The following FBN1 variants were observed in gnomAD, a reference collection of about 807,000 sequenced individuals.
The protein encoded by FBN1 is fibrillin 1, also known as fibrillin-1.
FBN1 carries 29 observed loss-of-function variants against 365.1 expected under a neutral mutation model. That is an observed-to-expected ratio of 0.08 (90% CI 0.06 to 0.11). The LOEUF is 0.11. Ranked by LOEUF, FBN1 falls within the 10% of genes least tolerant of loss-of-function variation. The pLI, the probability that FBN1 is intolerant of heterozygous loss-of-function variation, is 1.00. For missense variants in FBN1, 2,476 were observed against 3,703.2 expected (o/e 0.67, Z 8.60); for synonymous variants, 1,210 against 1,270.5 (o/e 0.95, Z 1.01).
intron 6 of FBN1, among the ~76,000 whole-genome samples, chr15:48,548,804 A>T (rs905261786): frequency 2.0e-5 from 3 of 152,224 alleles, no homozygotes; most frequent in African/African-American, 7.2e-5. Flanking sequence ...AGAAAAAACA[A>T]CTTGAGCCAG....
chr15:48,456,587 C>T lies in FBN1; in HGVS notation c.5422+50G>A, dbSNP rs1279810557. The T allele has an allele frequency of 2.5e-6, 4 of 1,594,994 alleles. No individual in the cohort carries two copies. The South Asian group carries it at 4.4e-5, about 18-fold the overall frequency. On this transcript the variant is annotated intron_variant, in intron 44 of 65. Transcript: ENST00000316623. ...AATTCGCCAAGTGTGTATCAAGTAG[C>T]TCATCAGTTAGCTCTTTTCTGGATA...
rs753453348 is a variant in FBN1, at chr15:48,503,880, A to G, written c.2020T>C (p.Leu674=). Residue 674 remains leucine (L), a synonymous_variant, in exon 17 of 66, where the codon TTG becomes CTG. Transcript: ENST00000316623. ...GYKRGQCIKP[L]FGAVTKSECC... ...TCAGATTTAGTGACAGCACCAAACA[A>G]AGGTTTGATACACTGGCCTCTCTTG... is the stretch of plus-strand genomic sequence containing the variant. 1 of 1,614,026 alleles carries G rather than the reference A, an allele frequency of 6.2e-7. No individual in the cohort carries two copies. Among genetic ancestry groups the G allele is most frequent in the Non-Finnish European group, 8.5e-7 (1 of 1,180,006 alleles).
chr15:48,638,422 A>G (rs1222358662), intron 2 of FBN1, among the ~76,000 whole-genome samples: 1 of 152,240 alleles, frequency 6.6e-6, no homozygotes, highest in African/African-American at 2.4e-5. Context: ...ATTAAGATTA[A>G]GAGCTCCAGC....
intron 6 of FBN1, among the ~76,000 whole-genome samples, chr15:48,570,483 G>A (rs1597611201): frequency 6.7e-6 from 1 of 149,712 alleles, no homozygotes. Flanking sequence ...AAAAAAAAAA[G>A]GGAGGTGTGA....
rs1448317732 is a variant in FBN1 at position 48,411,274 on chromosome 15, G to A, written c.8332C>T (p.Leu2778=). 5 of 1,613,952 alleles carry A rather than the reference G, an allele frequency of 3.1e-6. No homozygotes were observed. Among genetic ancestry groups the A allele is most frequent in the Non-Finnish European group, 4.2e-6 (5 of 1,180,004 alleles). The part of the protein sequence containing the change: ...ISHVSNKVRI[L]ELLPALTTLT... ...GTTGTAAGAGCTGGAAGGAGTTCTA[G>A]GATTCGAACCTTGTTACTGACGTGG... Residue 2778 remains leucine (L), a synonymous_variant, in exon 66 of 66, where the codon CTA becomes TTA. Coordinates refer to ENST00000316623, the MANE Select transcript of FBN1 (RefSeq NM_000138.5).
chr15:48,567,998 TA>T (rs913796914), intron 6 of FBN1, among the ~76,000 whole-genome samples: 3 of 56,534 alleles, frequency 5.3e-5, no homozygotes, highest in African/African-American at 1.0e-4. Context: ...AGTATACAGA[TA>T]AGAAAGAAAG....
Position 48,465,636 on chromosome 15 carries a change from G to A in FBN1, c.4874C>T (p.Thr1625Ile). The A allele has an allele frequency of 6.2e-7, 1 of 1,614,022 alleles. No homozygotes were observed. Among genetic ancestry groups the A allele is most frequent in the Non-Finnish European group, 8.5e-7 (1 of 1,179,944 alleles). Reference sequence around the variant, plus strand: ...ACAGCGGCACTGGAAACTCCCAAAGGTGTTGATACATTTTCCTCCTTGGCA... The same window carrying A: ...ACAGCGGCACTGGAAACTCCCAAAGATGTTGATACATTTTCCTCCTTGGCA... ...GLCQGGKCIN[T>I]FGSFQCRCPT... Residue 1625 changes from threonine (T) to isoleucine (I), a missense_variant, in exon 40 of 66, where the codon ACC (threonine) becomes ATC (isoleucine). By Grantham distance (89) the Thr-to-Ile change is moderately conservative. Around this residue, in one of 5 missense-constraint regions of FBN1, gnomAD observed 1,780 missense variants for 2,840.8 expected, o/e 0.63. Transcript: ENST00000316623.
chr15:48,558,755 T>G (rs576393130), intron 6 of FBN1, among the ~76,000 whole-genome samples: 1 of 152,178 alleles, frequency 6.6e-6, no homozygotes, highest in East Asian at 1.9e-4. Flanking sequence ...GATAACTAGG[T>G]CTGTTTTTCT....
At chr15:48,499,531 T>C (rs2141309671) in intron 17 of FBN1, among the ~76,000 whole-genome samples, 1 of 152,312 alleles carries the variant, frequency 6.6e-6, no homozygotes, top group South Asian at 2.1e-4. Context: ...ATACCTACTC[T>C]TGCATTTAAG....
chr15:48,460,729 C>A (rs984258206), intron 42 of FBN1, among the ~76,000 whole-genome samples: 1 of 152,092 alleles, frequency 6.6e-6, no homozygotes, highest in Non-Finnish European at 1.5e-5. Context: ...TTATAGGAGA[C>A]CATAGCAAAT....
chr15:48,421,051 C>T (rs538432174), intron 62 of FBN1, among the ~76,000 whole-genome samples: 1 of 152,096 alleles, frequency 6.6e-6, no homozygotes, highest in East Asian at 1.9e-4. Context: ...TCTGGGACAG[C>T]TCTGTAAGTT....
At chr15:48,555,094 T>C (rs2044169555) in intron 6 of FBN1, among the ~76,000 whole-genome samples, 1 of 152,204 alleles carries the variant, frequency 6.6e-6, no homozygotes, top group African/African-American at 2.4e-5. Flanking sequence ...TATTTAAACA[T>C]GGCATGCAGT....
Position 48,448,835 on chromosome 15 carries a change from T to G in FBN1, c.5604A>C (p.Thr1868=). 1 of 1,612,502 alleles carries G rather than the reference T, an allele frequency of 6.2e-7. No homozygotes were observed. The highest frequency in any genetic ancestry group is 8.5e-7 in the Non-Finnish European group (1 of 1,178,732). Reference sequence around the variant, plus strand: ...GGCAAAGGCAATAAAAGCTTCCAACTGTGTCAATGCACTGCCCATGACTGC... The same window carrying G: ...GGCAAAGGCAATAAAAGCTTCCAACGGTGTCAATGCACTGCCCATGACTGC... ...NICSHGQCID[T]VGSFYCLCHT... is the part of the protein sequence containing the mutation. Residue 1868 remains threonine, a synonymous_variant, in exon 46 of 66, where the codon ACA becomes ACC. Transcript: ENST00000316623.
At chr15:48,460,204 G>C (rs2043270393) in intron 43 of FBN1, 42 bp downstream of exon 43, 1 of 1,485,938 alleles carries the variant, frequency 6.7e-7, no homozygotes. Context: ...CTAACACAAA[G>C]GCAAAAAACC....
At chr15:48,618,406 C>T (rs1338031207) in intron 2 of FBN1, among the ~76,000 whole-genome samples, 1 of 152,180 alleles carries the variant, frequency 6.6e-6, no homozygotes, top group African/African-American at 2.4e-5. Context: ...ACTATTCTAA[C>T]GAACCTTTCA....
chr15:48,422,629 A>G (rs763315085), intron 60 of FBN1, among the ~76,000 whole-genome samples: 1 of 152,244 alleles, frequency 6.6e-6, no homozygotes, highest in Non-Finnish European at 1.5e-5. Flanking sequence ...AAAGCAAAGG[A>G]AAAATTCATT....
intron 42 of FBN1, 97 bp downstream of exon 42, chr15:48,462,985 A>G: frequency 1.4e-5 from 17 of 1,234,122 alleles, no homozygotes; most frequent in Non-Finnish European, 2.0e-5. Flanking sequence ...AAGATAAACA[A>G]TGCACACTTT....
chr15:48,586,057 T>C (rs1009098476), intron 6 of FBN1, among the ~76,000 whole-genome samples: 1 of 152,210 alleles, frequency 6.6e-6, no homozygotes, highest in African/African-American at 2.4e-5. Context: ...AAGGTGAATA[T>C]GCTCATTCTT....
intron 1 of FBN1, among the ~76,000 whole-genome samples, chr15:48,645,366 A>G (rs902638182): frequency 6.6e-6 from 1 of 152,102 alleles, no homozygotes; most frequent in Non-Finnish European, 1.5e-5. Context: ...CGCCCCCCGA[A>G]CATCTGACGC....
Sources: allele counts gnomAD v4.1 joint callset (sites outside exome capture counted in the v4.1 genomes callset), GRCh38; gene constraint gnomAD v4.1.1; regional missense constraint gnomAD v4.1.1; transcripts MANE v1.5; gene names NCBI Gene and HGNC (gene_info 2026-07-23, HGNC 2026-07-21).